SDK1: variants seen among roughly 807,000 people sequenced by gnomAD.
SDK1 encodes sidekick cell adhesion molecule 1, also known as protein sidekick-1.
A neutral mutation model predicts 245.5 loss-of-function variants in SDK1; 157 were observed. The observed-to-expected ratio is 0.64, with a 90% confidence interval of 0.56 to 0.73. The LOEUF (loss-of-function observed/expected upper bound fraction) is 0.73. SDK1 is among the 30% of genes least tolerant of loss of function. The probability of loss-of-function intolerance (pLI) is 0.00; values close to 1 mark genes in which losing one functional copy is unlikely to be tolerated. For synonymous variants in SDK1, 1,647 were observed against 1,278.5 expected (o/e 1.29, Z -6.15); for missense variants, 3,583 against 3,002.3 (o/e 1.19, Z -4.52).
intron 18 of SDK1, 23 bp from the exon 19 acceptor site, chr7:4,051,614 CT>C: frequency 6.3e-7 from 1 of 1,594,072 alleles, no homozygotes; most frequent in Non-Finnish European, 8.5e-7. Flanking sequence ...AACAGGCTGT[CT>C]TTTTCACCCT....
intron 1 of SDK1, among the ~76,000 whole-genome samples, chr7:3,516,131 T>C (rs1449286293): frequency 2.0e-5 from 3 of 151,398 alleles, no homozygotes; most frequent in Admixed American, 6.6e-5. Context: ...TTTTTTTTTT[T>C]GGTATACTCA....
intron 1 of SDK1, among the ~76,000 whole-genome samples, chr7:3,430,070 C>T (rs568576853): frequency 2.6e-5 from 4 of 152,304 alleles, no homozygotes; most frequent in African/African-American, 9.6e-5. Context: ...CTGCCTCTCA[C>T]CTTGAGGACA....
chr7:3,502,123 G>C (rs1444345242), intron 1 of SDK1, among the ~76,000 whole-genome samples: 2 of 151,982 alleles, frequency 1.3e-5, no homozygotes, highest in African/African-American at 4.8e-5. Context: ...ACAAACGTGT[G>C]AGTTAGAAAT....
At chr7:3,396,657 A>G (rs1425114327) in intron 1 of SDK1, among the ~76,000 whole-genome samples, 2 of 151,440 alleles carry the variant, frequency 1.3e-5, no homozygotes, top group African/African-American at 4.8e-5. Flanking sequence ...ATTTTGTCTG[A>G]TATTAATATA....
At chr7:3,992,495 G>T (rs942984481) in intron 14 of SDK1, among the ~76,000 whole-genome samples, 4 of 152,212 alleles carry the variant, frequency 2.6e-5, no homozygotes, top group African/African-American at 9.7e-5. Context: ...GATGAGGGAA[G>T]CCTGGGGGAT....
intron 1 of SDK1, among the ~76,000 whole-genome samples, chr7:3,594,449 G>A (rs756544178): frequency 3.3e-5 from 5 of 152,076 alleles, no homozygotes; most frequent in East Asian, 1.9e-4. Context: ...GTATGTTTTC[G>A]TTTCTCTTGA....
intron 1 of SDK1, among the ~76,000 whole-genome samples, chr7:3,391,501 A>T (rs983923016): frequency 2.0e-5 from 3 of 152,120 alleles, no homozygotes; most frequent in African/African-American, 7.2e-5. Context: ...CTGTTGTAGA[A>T]TAAAAAATTT....
chr7:3,893,761 C>T (rs1360198212), intron 5 of SDK1, among the ~76,000 whole-genome samples: 1 of 151,582 alleles, frequency 6.6e-6, no homozygotes, highest in Non-Finnish European at 1.5e-5. Context: ...GTCTCTTCTC[C>T]ACATCTTACC....
intron 35 of SDK1, among the ~76,000 whole-genome samples, chr7:4,198,496 G>A (rs1562421506): frequency 1.3e-5 from 2 of 152,338 alleles, no homozygotes; most frequent in Admixed American, 1.3e-4. Context: ...TCTGCAAACA[G>A]CTCAGCGGCC....
chr7:4,004,805 A>C (rs1247360892), intron 14 of SDK1, among the ~76,000 whole-genome samples: 3 of 152,138 alleles, frequency 2.0e-5, no homozygotes, highest in Admixed American at 6.5e-5. Context: ...TTCAGTCTAT[A>C]TTTAATTTTC....
intron 4 of SDK1, among the ~76,000 whole-genome samples, chr7:3,779,418 G>A (rs764524921): frequency 5.3e-5 from 8 of 151,420 alleles, no homozygotes; most frequent in African/African-American, 7.3e-5. Flanking sequence ...GTTGATTTTT[G>A]TTTGTGAAGT....
At chr7:3,567,806 C>T (rs1031346044) in intron 1 of SDK1, among the ~76,000 whole-genome samples, 2 of 152,000 alleles carry the variant, frequency 1.3e-5, no homozygotes, top group Admixed American at 6.6e-5. Flanking sequence ...TTTTATTTAT[C>T]TTTTATTCAT....
intron 1 of SDK1, among the ~76,000 whole-genome samples, chr7:3,377,100 A>C (rs1781374078): frequency 6.6e-6 from 1 of 152,064 alleles, no homozygotes; most frequent in Non-Finnish European, 1.5e-5. Flanking sequence ...ATTTCTGATA[A>C]ATTTTTTCTT....
intron 1 of SDK1, chr7:3,337,774 C>T (rs575361823): frequency 1.3e-5 from 2 of 152,282 alleles, no homozygotes; most frequent in South Asian, 4.1e-4. Context: ...AACCATTAAC[C>T]ACCAATTCTA....
At position 3,967,446 on chromosome 7, in the gene SDK1, C is replaced by T. The variant is rs757154443; in HGVS notation, c.1546+12C>T. ...CACCTGGAAAAGAGGTGGGTAGCAT[C>T]CACTGCCCACAACAGCATGGCCCAT... On this transcript the variant is annotated intron_variant, in intron 10 of 44. Transcript: ENST00000404826. 4 of 1,509,686 alleles carry T rather than the reference C, an allele frequency of 2.6e-6. No homozygotes were observed. In the East Asian group the frequency reaches 6.8e-5, roughly 26 times the overall value. The allele number at this position is 1,509,686 out of a possible 1,614,324, so 93.5% of individuals were successfully genotyped here. A position where few individuals can be genotyped will look rare whatever the true frequency, so the allele number is the denominator to read the frequency against.
chr7:3,432,653 G>A (rs1408998496), intron 1 of SDK1, among the ~76,000 whole-genome samples: 1 of 152,114 alleles, frequency 6.6e-6, no homozygotes, highest in African/African-American at 2.4e-5. Context: ...ATTTTAATAG[G>A]AACCTAGGTT....
At chr7:4,226,158 C>T (rs1049541676) in intron 40 of SDK1, among the ~76,000 whole-genome samples, 1 of 152,180 alleles carries the variant, frequency 6.6e-6, no homozygotes, top group Non-Finnish European at 1.5e-5. Context: ...ACCGAAGCTC[C>T]CTGGCAAGAC....
chr7:3,366,950 C>G (rs997215548), intron 1 of SDK1, among the ~76,000 whole-genome samples: 1 of 151,994 alleles, frequency 6.6e-6, no homozygotes, highest in Non-Finnish European at 1.5e-5. Context: ...CCATGTTGGC[C>G]AGGATGGTCT....
chr7:4,022,995 C>T (rs1042106695), intron 17 of SDK1, among the ~76,000 whole-genome samples: 1 of 151,950 alleles, frequency 6.6e-6, no homozygotes, highest in Non-Finnish European at 1.5e-5. Context: ...AGGATGGTCT[C>T]GATCTCCTGA....
Sources: allele counts gnomAD v4.1 joint callset (sites outside exome capture counted in the v4.1 genomes callset), GRCh38; gene constraint gnomAD v4.1.1; transcripts MANE v1.5; gene names NCBI Gene and HGNC (gene_info 2026-07-23, HGNC 2026-07-21).